The following FARSB variants were observed in gnomAD, a reference collection of about 807,000 sequenced individuals.
FARSB encodes phenylalanine--tRNA ligase beta subunit.
FARSB carries 40 observed loss-of-function variants against 69.6 expected under a neutral mutation model. The ratio of observed to expected loss-of-function variants is 0.57; its 90% CI spans 0.45 to 0.75. The LOEUF is 0.75. Ranked by LOEUF, FARSB falls within the 30% of genes least tolerant of loss-of-function variation. The pLI is 0.00. For synonymous variants in FARSB, 235 were observed against 247.2 expected, an observed-to-expected ratio of 0.95 and a Z score of 0.46; for missense variants, 632 against 722.9, an observed-to-expected ratio of 0.87 and a Z score of 1.44.
At chr2:222,608,858 C>T (rs1053681266) in intron 15 of FARSB, among the ~76,000 whole-genome samples, 4 of 152,156 alleles carry the variant, frequency 2.6e-5, no homozygotes, top group South Asian at 2.1e-4. Context: ...GCCCTATGAA[C>T]GGTCAAGAGG....
chr2:222,586,857 C>T (rs1455141263), intron 16 of FARSB, among the ~76,000 whole-genome samples: 1 of 152,124 alleles, frequency 6.6e-6, no homozygotes, highest in Non-Finnish European at 1.5e-5. Context: ...ATTCATAAAG[C>T]AAGTCCTTAG....
At chr2:222,644,425 AGGG>A (rs534626094) in intron 2 of FARSB, 61 of 387,358 alleles carry the variant, frequency 1.6e-4, no homozygotes, top group East Asian at 1.3e-3. Flanking sequence ...AAAGAAAAGA[AGGG>A]GAATGGGGAG....
chr2:222,597,436 T>A (rs1363464664), intron 16 of FARSB, among the ~76,000 whole-genome samples: 3 of 152,002 alleles, frequency 2.0e-5, no homozygotes, highest in Non-Finnish European at 2.9e-5. Context: ...AATGTGTATT[T>A]CCTAATTAAA....
rs186454944 is a variant in FARSB, at chr2:222,585,594, C to T, written c.1619-13572G>A. Among the ~76,000 whole-genome samples, 77 of 152,218 alleles carry T rather than the reference C, an allele frequency of 5.1e-4. 1 individual carries two copies. Among genetic ancestry groups the T allele is most frequent in the Admixed American group, 1.3e-3 (20 of 15,270 alleles). ...CTTCTCTGAGCTAAAGGAGGATGCT[C>T]GAACACATCGCAAAGAAGCTAAAAA... is the stretch of plus-strand genomic sequence containing the variant. On this transcript the variant is annotated intron_variant, in intron 16 of 16. Coordinates refer to ENST00000281828, the MANE Select transcript of FARSB (RefSeq NM_005687.5).
intron 15 of FARSB, among the ~76,000 whole-genome samples, chr2:222,606,425 T>C (rs187431545): frequency 2.0e-5 from 3 of 152,276 alleles, no homozygotes; most frequent in Admixed American, 6.5e-5. Flanking sequence ...AAGCTGGGGT[T>C]TGTTGGAAAT....
intron 14 of FARSB, among the ~76,000 whole-genome samples, chr2:222,616,749 A>G (rs1436229953): frequency 6.6e-6 from 1 of 152,158 alleles, no homozygotes; most frequent in Non-Finnish European, 1.5e-5. Context: ...TTTACTATCA[A>G]AAAAGAGCCC....
chr2:222,641,350 T>G (rs1391642329), intron 3 of FARSB, among the ~76,000 whole-genome samples: 1 of 152,208 alleles, frequency 6.6e-6, no homozygotes, highest in African/African-American at 2.4e-5. Flanking sequence ...CCTGGTTCCA[T>G]CTGGCCCTAC....
intron 16 of FARSB, among the ~76,000 whole-genome samples, chr2:222,579,822 A>C (rs1689923748): frequency 6.6e-6 from 1 of 152,212 alleles, no homozygotes; most frequent in South Asian, 2.1e-4. Flanking sequence ...AGATAGACCT[A>C]AGATCTACTC....
intron 15 of FARSB, among the ~76,000 whole-genome samples, chr2:222,604,407 C>T (rs1690648058): frequency 6.6e-6 from 1 of 152,158 alleles, no homozygotes. Context: ...CTGAGTTGAA[C>T]TTCGGACTGA....
intron 16 of FARSB, among the ~76,000 whole-genome samples, chr2:222,585,767 A>T (rs745311072): frequency 1.3e-5 from 2 of 152,222 alleles, no homozygotes; most frequent in Non-Finnish European, 2.9e-5. Context: ...AAGAAAGGTG[A>T]CTGAAGATCA....
intron 16 of FARSB, among the ~76,000 whole-genome samples, chr2:222,590,659 G>A (rs1041538580): frequency 6.6e-6 from 1 of 151,658 alleles, no homozygotes; most frequent in Admixed American, 6.6e-5. Flanking sequence ...TTGCAGTTAT[G>A]CTTTTTAAAA....
rs191059257 is a variant in FARSB at position 222,606,896 on chromosome 2, G to C, written c.1463-6813C>G. On this transcript the variant is annotated intron_variant, in intron 15 of 16. Transcript: ENST00000281828. Reference sequence around the variant, plus strand: ...CTAAAAGCCCAAAGAAAGATGCTAGGAGAAAACCTATTGGGAGACCAAAAC... The same window carrying C: ...CTAAAAGCCCAAAGAAAGATGCTAGCAGAAAACCTATTGGGAGACCAAAAC... Among the ~76,000 whole-genome samples the C allele has an allele frequency of 1.5e-3, 221 of 152,272 alleles. 1 individual carries two copies. Among genetic ancestry groups the C allele is most frequent in the Admixed American group, 0.013 (193 of 15,290 alleles).
chr2:222,629,799 G>C (rs1038120893), intron 9 of FARSB, among the ~76,000 whole-genome samples: 2 of 152,044 alleles, frequency 1.3e-5, no homozygotes, highest in Non-Finnish European at 2.9e-5. Context: ...CAAGTGCAGT[G>C]GCACAAACAT....
At chr2:222,585,191 C>T (rs1690079207) in intron 16 of FARSB, among the ~76,000 whole-genome samples, 1 of 152,210 alleles carries the variant, frequency 6.6e-6, no homozygotes, top group African/African-American at 2.4e-5. Context: ...ACAATATTTG[C>T]TGTTCTGCAG....
At position 222,634,263 on chromosome 2, in the gene FARSB, T is replaced by G. The variant is rs948913697; in HGVS notation, c.606+128A>C. The G allele has an allele frequency of 1.8e-4, 105 of 569,576 alleles. 5 individuals carry two copies. Among genetic ancestry groups the G allele is most frequent in the Non-Finnish European group, 2.7e-5 (9 of 330,762 alleles). 35.3% of individuals were successfully genotyped at this position (569,576 alleles called of 1,614,324 possible). The stretch of plus-strand genomic sequence containing the variant: ...ACTCTAGATCAGATGAATCACTGTC[T>G]CTAGGTTGGAGTCCAGACACTGCTA... On this transcript the variant is annotated intron_variant, in intron 6 of 16. Coordinates refer to ENST00000281828, the MANE Select transcript of FARSB (RefSeq NM_005687.5).
intron 16 of FARSB, among the ~76,000 whole-genome samples, chr2:222,573,785 G>A (rs1689770190): frequency 6.6e-6 from 1 of 152,120 alleles, no homozygotes; most frequent in Non-Finnish European, 1.5e-5. Flanking sequence ...CCTGAAAAAA[G>A]ACACCAGCTT....
intron 5 of FARSB, among the ~76,000 whole-genome samples, chr2:222,637,829 A>T (rs1454369336): frequency 6.6e-6 from 1 of 152,158 alleles, no homozygotes; most frequent in Non-Finnish European, 1.5e-5. Flanking sequence ...AAAAAAATTT[A>T]AAAATTAGCC....
At chr2:222,572,749 T>C (rs1689747771) in intron 16 of FARSB, among the ~76,000 whole-genome samples, 1 of 152,212 alleles carries the variant, frequency 6.6e-6, no homozygotes, top group South Asian at 2.1e-4. Flanking sequence ...TGGGTGCCAA[T>C]GCACTGATAC....
chr2:222,636,910 C>T (rs1407144958), intron 5 of FARSB, among the ~76,000 whole-genome samples: 1 of 152,110 alleles, frequency 6.6e-6, no homozygotes, highest in Non-Finnish European at 1.5e-5. Context: ...CAAAACTAGT[C>T]CATAGAAACC....
Sources: gnomAD v4.1 joint callset for allele counts (sites outside exome capture counted in the v4.1 genomes callset) on GRCh38, gnomAD v4.1.1 for gene constraint, MANE v1.5 for transcripts, NCBI Gene and HGNC (gene_info 2026-07-23, HGNC 2026-07-21) for gene names.